TMEM181: variants seen among roughly 807,000 people sequenced by gnomAD.
The protein encoded by TMEM181 is G protein-coupled receptor 178.
A neutral mutation model predicts 71.9 loss-of-function variants in TMEM181; 39 were observed. The observed-to-expected ratio is 0.54, with a 90% CI of 0.42 to 0.71. TMEM181 has a LOEUF of 0.71. TMEM181 is among the 30% of genes least tolerant of loss of function. The pLI is 0.00. For synonymous variants in TMEM181, 245 were observed against 228.8 expected (o/e 1.07, Z -0.64); for missense variants, 595 against 583.0 (o/e 1.02, Z -0.21).
upstream of TMEM181, among the ~76,000 whole-genome samples, chr6:158,556,124 C>T (rs933103200): frequency 1.3e-5 from 2 of 152,038 alleles, no homozygotes; most frequent in African/African-American, 2.4e-5. Flanking sequence ...TCAGAAAAGA[C>T]AAAAAAGTCT....
At chr6:158,537,702 C>T (rs1343886668) in intron 1 of TMEM181, among the ~76,000 whole-genome samples, 2 of 152,216 alleles carry the variant, frequency 1.3e-5, no homozygotes, top group African/African-American at 4.8e-5. Flanking sequence ...AATGGGAAGT[C>T]TGAACCAGAA....
At chr6:158,593,834 T>C (rs148904239) in intron 6 of TMEM181, among the ~76,000 whole-genome samples, 54 of 152,276 alleles carry the variant, frequency 3.5e-4, no homozygotes, top group Admixed American at 1.4e-3. Flanking sequence ...CGCCCACACA[T>C]GCACAGCCTC....
chr6:158,573,591 C>G, intron 2 of TMEM181, 68 bp downstream of exon 2: 1 of 1,358,306 alleles, frequency 7.4e-7, no homozygotes, highest in Admixed American at 2.0e-5. Context: ...TGCTTTCGGT[C>G]AGCCCAGCTG....
At chr6:158,608,109 C>T (rs567229786) in intron 8 of TMEM181, among the ~76,000 whole-genome samples, 7 of 152,306 alleles carry the variant, frequency 4.6e-5, no homozygotes, top group Admixed American at 4.6e-4. Flanking sequence ...TTGGCTCTGA[C>T]CAGGGAGAAA....
intron 1 of TMEM181, among the ~76,000 whole-genome samples, chr6:158,551,085 G>A (rs1165865410): frequency 1.3e-5 from 2 of 151,230 alleles, no homozygotes; most frequent in African/African-American, 4.9e-5. Flanking sequence ...TCAGCCTCCC[G>A]AGTAGCTGGG....
intron 13 of TMEM181, among the ~76,000 whole-genome samples, chr6:158,627,015 CCT>C (rs1464537287): frequency 1.3e-4 from 19 of 145,108 alleles, no homozygotes; most frequent in African/African-American, 3.1e-4. Context: ...ACCCTTACAG[CCT>C]CTCACTCTCA....
chr6:158,605,043 G>C (rs1463061411), intron 6 of TMEM181, among the ~76,000 whole-genome samples: 2 of 151,690 alleles, frequency 1.3e-5, no homozygotes, highest in Non-Finnish European at 2.9e-5. Context: ...GAACCTGGGA[G>C]GCGGAGGTTG....
intron 6 of TMEM181, among the ~76,000 whole-genome samples, chr6:158,596,087 A>G (rs1393515033): frequency 6.6e-6 from 1 of 151,648 alleles, no homozygotes; most frequent in African/African-American, 2.4e-5. Flanking sequence ...ACGCCTGGCT[A>G]ATTTTTTGTA....
At chr6:158,579,984 T>G (rs145403944) in intron 2 of TMEM181, among the ~76,000 whole-genome samples, 28 of 152,210 alleles carry the variant, frequency 1.8e-4, no homozygotes, top group African/African-American at 5.8e-4. Context: ...TGGATGGCAG[T>G]GATGGTTGCA....
chr6:158,595,925 A>C (rs1305967141), intron 6 of TMEM181, among the ~76,000 whole-genome samples: 5 of 151,806 alleles, frequency 3.3e-5, no homozygotes, highest in African/African-American at 1.2e-4. Context: ...CTTTTTATTT[A>C]TTTTTATTTT....
intron 6 of TMEM181, among the ~76,000 whole-genome samples, 159 bp from the exon 7 acceptor site, chr6:158,605,108 C>T (rs1310370302): frequency 1.7e-5 from 2 of 119,662 alleles, no homozygotes; most frequent in African/African-American, 7.2e-5. Context: ...AGCGAGACTC[C>T]ATATCCAAAA....
intron 5 of TMEM181, among the ~76,000 whole-genome samples, chr6:158,587,963 C>G (rs1438792713): frequency 2.0e-5 from 3 of 152,194 alleles, no homozygotes; most frequent in Non-Finnish European, 4.4e-5. Context: ...CTGTATAGTC[C>G]TTAGCCACCC....
At chr6:158,540,782 T>A (rs1397211803) in intron 1 of TMEM181, among the ~76,000 whole-genome samples, 2 of 152,062 alleles carry the variant, frequency 1.3e-5, no homozygotes, top group East Asian at 3.9e-4. Flanking sequence ...TTCTTTTTTT[T>A]GAGAGAGAGA....
intron 12 of TMEM181, among the ~76,000 whole-genome samples, 186 bp downstream of exon 12, chr6:158,625,392 C>T (rs1484086485): frequency 1.3e-5 from 2 of 152,156 alleles, no homozygotes; most frequent in Admixed American, 1.3e-4. Context: ...GTTACTCTGG[C>T]ATTTGGGACC....
chr6:158,607,309 G>A lies in TMEM181; in HGVS notation c.639G>A (p.Met213Ile), dbSNP rs993497860. 16 of 1,614,092 alleles carry A rather than the reference G, an allele frequency of 9.9e-6. No homozygotes were observed. The highest frequency in any genetic ancestry group is 1.3e-5 in the Non-Finnish European group (15 of 1,180,042). Reference sequence around the variant, plus strand: ...ACTGGGGCATCGAGCAGAAGTGGATGTCTGTTCTCCTGCCTCTGCTGCTAC... The same window carrying A: ...ACTGGGGCATCGAGCAGAAGTGGATATCTGTTCTCCTGCCTCTGCTGCTAC... ...MRDWGIEQKW[M>I]SVLLPLLLLY... Residue 213 changes from methionine to isoleucine, a missense_variant, in exon 8 of 17, where the codon ATG (methionine) becomes ATA (isoleucine). Coordinates refer to ENST00000684151, the MANE Select transcript of TMEM181 (RefSeq NM_001376852.1).
In TMEM181 at chr6:158,585,220, A is replaced by G. The variant is rs546552130; in HGVS notation, c.260-84A>G. On this transcript the variant is annotated intron_variant, in intron 4 of 16. Coordinates refer to ENST00000684151, the MANE Select transcript of TMEM181 (RefSeq NM_001376852.1). ...GACCTTAAGCGTTTTCCTGGCTCCA[A>G]GGTCATTACAGAGCCAGGAAGGCAC... is the stretch of plus-strand genomic sequence containing the variant. 1.7e-4 allele frequency: 238 copies of G among 1,430,070 alleles called. 1 individual carries two copies. In the South Asian group the frequency reaches 3.4e-3, roughly 21 times the overall value. The allele number at this position is 1,430,070 out of a possible 1,614,324, so 88.6% of individuals were successfully genotyped here.
chr6:158,628,227 G>A (rs1276265455), intron 13 of TMEM181, 181 bp from the exon 14 acceptor site: 2 of 711,808 alleles, frequency 2.8e-6, no homozygotes, highest in Admixed American at 2.0e-5. Context: ...AGAAGCAGGG[G>A]CTGTGTGTGT....
chr6:158,619,618 C>T (rs768736802), intron 10 of TMEM181, among the ~76,000 whole-genome samples: 1 of 151,934 alleles, frequency 6.6e-6, no homozygotes, highest in Admixed American at 6.6e-5. Context: ...CGCCTATAAT[C>T]CCAGCACTTT....
chr6:158,616,627 T>C (rs981128183), intron 10 of TMEM181, among the ~76,000 whole-genome samples: 6 of 152,214 alleles, frequency 3.9e-5, no homozygotes, highest in Non-Finnish European at 8.8e-5. Context: ...GGGTTTGTCA[T>C]AAATAGCTCT....
Sources: gnomAD v4.1 joint callset for allele counts (sites outside exome capture counted in the v4.1 genomes callset) on GRCh38, gnomAD v4.1.1 for gene constraint, MANE v1.5 for transcripts, NCBI Gene and HGNC (gene_info 2026-07-23, HGNC 2026-07-21) for gene names.